HPN: variants seen among roughly 807,000 people sequenced by gnomAD.
HPN encodes serine protease hepsin.
HPN carries 13 observed loss-of-function variants against 55.9 expected under a neutral mutation model. The ratio of observed to expected loss-of-function variants is 0.23; its 90% CI spans 0.15 to 0.37. The LOEUF is 0.37. HPN is among the 10% of genes least tolerant of loss of function. The pLI is 1.00. For synonymous variants in HPN, 225 were observed against 240.3 expected (o/e 0.94, Z 0.59); for missense variants, 451 against 575.8 (o/e 0.78, Z 2.22).
intron 4 of HPN, chr19:35,050,599 A>T: frequency 9.0e-7 from 1 of 1,109,972 alleles, no homozygotes; most frequent in Non-Finnish European, 1.2e-6. Context: ...GGATGAATGA[A>T]TGAATCTTCC....
chr19:35,057,888 C>T (rs907306840), intron 4 of HPN, among the ~76,000 whole-genome samples: 13 of 152,048 alleles, frequency 8.5e-5, no homozygotes, highest in African/African-American at 3.1e-4. Flanking sequence ...CAGTGGCTCA[C>T]ACCTATAATC....
intron 4 of HPN, 21 bp downstream of exon 4, chr19:35,049,537 C>T: frequency 6.3e-7 from 1 of 1,587,698 alleles, no homozygotes; most frequent in Non-Finnish European, 8.6e-7. Flanking sequence ...CAGGCTGGGA[C>T]CCTCTGGGGG....
chr19:35,041,039 C>T (rs1218940214), upstream of HPN, among the ~76,000 whole-genome samples: 1 of 152,214 alleles, frequency 6.6e-6, no homozygotes, highest in Non-Finnish European at 1.5e-5. Flanking sequence ...ACGTGGGCCG[C>T]GCCTGGCTGC....
chr19:35,066,070 G>A (rs767993324), intron 12 of HPN, 38 bp downstream of exon 12: 15 of 1,609,778 alleles, frequency 9.3e-6, no homozygotes, highest in Admixed American at 8.3e-5. Flanking sequence ...GGGTGGGGAC[G>A]TTTGGGTGTC....
At chr19:35,042,631 C>A in intron 2 of HPN, 109 bp downstream of exon 2, 7 of 776,270 alleles carry the variant, frequency 9.0e-6, no homozygotes, top group Non-Finnish European at 1.4e-5. Context: ...GGGCACCCCT[C>A]CCAGATGCAT....
intron 4 of HPN, among the ~76,000 whole-genome samples, chr19:35,055,165 A>C (rs549153974): frequency 2.0e-4 from 30 of 152,100 alleles, no homozygotes; most frequent in Non-Finnish European, 4.0e-4. Flanking sequence ...ATAAATTTAA[A>C]AGGCGTTTTT....
intron 12 of HPN, 93 bp from the exon 13 acceptor site, chr19:35,066,156 A>G: frequency 6.2e-7 from 1 of 1,613,332 alleles, no homozygotes. Context: ...CCTTGGGAAC[A>G]GATGGACTTT....
chr19:35,059,313 A>C (rs532519802), intron 4 of HPN: 457 of 382,042 alleles, frequency 1.2e-3, no homozygotes, highest in African/African-American at 8.2e-3. Context: ...AAAACAAAAC[A>C]AAACAAACAA....
chr19:35,045,503 A>G (rs997419697), intron 2 of HPN, among the ~76,000 whole-genome samples: 3 of 152,132 alleles, frequency 2.0e-5, no homozygotes, highest in African/African-American at 4.8e-5. Flanking sequence ...GAGGCGGAAG[A>G]ACTGACCTAT....
intron 2 of HPN, among the ~76,000 whole-genome samples, chr19:35,047,011 G>T (rs1223094743): frequency 6.6e-6 from 1 of 152,004 alleles, no homozygotes; most frequent in Non-Finnish European, 1.5e-5. Context: ...TGTATTCTTA[G>T]TAGAGACGGG....
At chr19:35,060,094 C>T (rs1229443622) in intron 6 of HPN, 35 bp from the exon 7 acceptor site, 7 of 1,614,182 alleles carry the variant, frequency 4.3e-6, no homozygotes, top group Non-Finnish European at 8.5e-7. Flanking sequence ...TCTCTATTTC[C>T]TTTCTTTCTG....
chr19:35,060,892 G>A, intron 9 of HPN, 75 bp downstream of exon 9: 3 of 1,286,486 alleles, frequency 2.3e-6, no homozygotes, highest in African/African-American at 3.0e-5. Flanking sequence ...AGGGGCACAA[G>A]GCAATCAACT....
In HPN at chr19:35,052,770, T is replaced by G. The variant is rs191591478; in HGVS notation, c.160+3254T>G. On this transcript the variant is annotated intron_variant, in intron 4 of 12. Coordinates refer to ENST00000672452, the MANE Select transcript of HPN (RefSeq NM_001384133.1). ...GGCGAACTCCAGGAAGGCAGGGACC[T>G]TTTGTGGTCAGACGGTGCCTGGCAC... 4.1e-3 allele frequency among the ~76,000 whole-genome samples: 630 copies of G among 152,272 alleles called. 3 individuals carry two copies. Among genetic ancestry groups the G allele is most frequent in the African/African-American group, 0.014 (597 of 41,538 alleles).
At chr19:35,042,577 G>A in intron 2 of HPN, 55 bp downstream of exon 2, 1 of 1,490,054 alleles carries the variant, frequency 6.7e-7, no homozygotes, top group East Asian at 2.3e-5. Flanking sequence ...CCCGCCCTCT[G>A]TGCTCTTTTC....
rs1234782954 is a variant in HPN, at chr19:35,066,277, C to A, written c.1244C>A (p.Thr415Asn). ...CACTCCGAAGCCAGCGGCATGGTGA[C>A]CCAGCTCTGACCGGTGGCTTCTCGC... ...KTHSEASGMV[T>N]QL Residue 415 changes from threonine (T) to asparagine (N), a missense_variant, in exon 13 of 13, where the codon ACC (threonine) becomes AAC (asparagine). Thr to Asn is a moderately conservative substitution (Grantham distance 65). This residue lies in a region of HPN where 73 missense variants were observed against 130.3 expected (regional missense o/e 0.56). Transcript: ENST00000672452. 2 of 1,613,148 alleles carry A rather than the reference C, an allele frequency of 1.2e-6. No homozygotes were observed. The highest frequency in any genetic ancestry group is 1.7e-6 in the Non-Finnish European group (2 of 1,179,612).
chr19:35,052,991 A>G (rs1433277569), intron 4 of HPN, among the ~76,000 whole-genome samples: 1 of 152,208 alleles, frequency 6.6e-6, no homozygotes, highest in Non-Finnish European at 1.5e-5. Context: ...GAAACAAACA[A>G]ACAAACAAAA....
intron 4 of HPN, among the ~76,000 whole-genome samples, chr19:35,050,208 T>C (rs888231229): frequency 7.2e-5 from 11 of 152,134 alleles, no homozygotes; most frequent in African/African-American, 1.7e-4. Flanking sequence ...CCGCAACCTC[T>C]GCCTCCCAGG....
intron 9 of HPN, among the ~76,000 whole-genome samples, chr19:35,061,631 T>C (rs903570287): frequency 9.9e-5 from 15 of 152,024 alleles, no homozygotes; most frequent in Admixed American, 5.2e-4. Flanking sequence ...AAAAATGTGG[T>C]ATATCCACAC....
At chr19:35,040,796 C>T (rs549588395), upstream of HPN, among the ~76,000 whole-genome samples, 1 of 152,142 alleles carries the variant, frequency 6.6e-6, no homozygotes, top group East Asian at 1.9e-4. Context: ...GGAAGCCAGG[C>T]TAAACCAGCG....
Sources: allele counts gnomAD v4.1 joint callset (sites outside exome capture counted in the v4.1 genomes callset), GRCh38; gene constraint gnomAD v4.1.1; regional missense constraint gnomAD v4.1.1; transcripts MANE v1.5; gene names NCBI Gene and HGNC (gene_info 2026-07-23, HGNC 2026-07-21).